The following FBXL13 variants were observed in gnomAD, a reference collection of about 807,000 sequenced individuals.
FBXL13 encodes the protein F-box and leucine rich repeat protein 13.
In FBXL13, 67 loss-of-function variants were observed where a neutral mutation model predicts 83.6. That is an observed-to-expected ratio of 0.80 (90% CI 0.66 to 0.98). FBXL13 has a LOEUF of 0.98. Ranked by LOEUF, FBXL13 falls within the 50% of genes least tolerant of loss-of-function variation. The probability of loss-of-function intolerance (pLI) is 0.00; values close to 1 mark genes in which losing one functional copy is unlikely to be tolerated. For missense variants in FBXL13, 822 were observed against 866.5 expected (o/e 0.95, Z 0.64); for synonymous variants, 272 against 299.5 (o/e 0.91, Z 0.95).
chr7:102,835,460 C>A (rs1801714078), intron 17 of FBXL13, among the ~76,000 whole-genome samples: 1 of 152,160 alleles, frequency 6.6e-6, no homozygotes, highest in African/African-American at 2.4e-5. Flanking sequence ...GCTTTCATAT[C>A]CCTTTCCCAA....
intron 16 of FBXL13, among the ~76,000 whole-genome samples, chr7:102,864,566 A>C (rs961252302): frequency 6.6e-6 from 1 of 151,928 alleles, no homozygotes; most frequent in Non-Finnish European, 1.5e-5. Context: ...ATGGGCTTTC[A>C]CCATGCTGGC....
At chr7:102,907,805 A>AT (rs1813994777) in intron 11 of FBXL13, among the ~76,000 whole-genome samples, 1 of 152,244 alleles carries the variant, frequency 6.6e-6, no homozygotes, top group South Asian at 2.1e-4. Context: ...CAACAGACAC[A>AT]TAAAAAAATG....
At chr7:103,033,306 C>G (rs1420229972) in intron 2 of FBXL13, among the ~76,000 whole-genome samples, 2 of 152,166 alleles carry the variant, frequency 1.3e-5, no homozygotes, top group Admixed American at 1.3e-4. Context: ...AAACTGCAGG[C>G]AGAATCCAAA....
At chr7:103,016,592 C>T (rs1040480302) in intron 6 of FBXL13, among the ~76,000 whole-genome samples, 1 of 152,114 alleles carries the variant, frequency 6.6e-6, no homozygotes, top group Non-Finnish European at 1.5e-5. Flanking sequence ...GAAGGGGTGA[C>T]AGACGGCACC....
At chr7:102,985,361 A>C (rs1828816223) in intron 6 of FBXL13, among the ~76,000 whole-genome samples, 1 of 152,186 alleles carries the variant, frequency 6.6e-6, no homozygotes, top group Non-Finnish European at 1.5e-5. Flanking sequence ...TATGCTCCTG[A>C]GTGAGCTTCC....
chr7:103,074,676 C>A, upstream of FBXL13: 1 of 1,287,090 alleles, frequency 7.8e-7, no homozygotes, highest in Non-Finnish European at 1.0e-6. Context: ...TCTGTGTCCG[C>A]TGCCACGCGT....
intron 11 of FBXL13, among the ~76,000 whole-genome samples, chr7:102,888,276 C>T (rs1238531071): frequency 2.0e-5 from 3 of 152,204 alleles, no homozygotes; most frequent in Non-Finnish European, 2.9e-5. Flanking sequence ...CAGTGGCTCA[C>T]GCCTGTAATC....
At chr7:102,948,396 T>C (rs1460220198) in intron 8 of FBXL13, among the ~76,000 whole-genome samples, 1 of 152,030 alleles carries the variant, frequency 6.6e-6, no homozygotes, top group Non-Finnish European at 1.5e-5. Flanking sequence ...CTGTTAAGTC[T>C]GTGCCCTCAT....
chr7:102,941,799 T>C (rs1355345984), intron 8 of FBXL13, among the ~76,000 whole-genome samples: 1 of 152,032 alleles, frequency 6.6e-6, no homozygotes, highest in Non-Finnish European at 1.5e-5. Context: ...TTAAATGTAT[T>C]AAAGTAATGA....
chr7:102,858,725 G>C (rs1806387383), intron 16 of FBXL13, among the ~76,000 whole-genome samples: 1 of 152,164 alleles, frequency 6.6e-6, no homozygotes, highest in African/African-American at 2.4e-5. Context: ...CTAAGTAAAA[G>C]AAGACAGACC....
At chr7:102,943,237 C>T (rs548918862) in intron 8 of FBXL13, among the ~76,000 whole-genome samples, 8 of 152,042 alleles carry the variant, frequency 5.3e-5, no homozygotes, top group Non-Finnish European at 7.4e-5. Context: ...GATCACCACC[C>T]GGCACATTTT....
intron 11 of FBXL13, among the ~76,000 whole-genome samples, chr7:102,910,722 C>T (rs940564546): frequency 6.6e-6 from 1 of 152,150 alleles, no homozygotes; most frequent in Non-Finnish European, 1.5e-5. Flanking sequence ...GCCAACACTC[C>T]TAACAAAATA....
chr7:102,887,141 G>T (rs906866426), intron 11 of FBXL13, among the ~76,000 whole-genome samples: 1 of 152,162 alleles, frequency 6.6e-6, no homozygotes, highest in African/African-American at 2.4e-5. Flanking sequence ...TGAAGAAAAA[G>T]TTAATTATAT....
chr7:103,068,517 A>G (rs1408545456), intron 1 of FBXL13, among the ~76,000 whole-genome samples: 1 of 152,224 alleles, frequency 6.6e-6, no homozygotes, highest in Non-Finnish European at 1.5e-5. Context: ...ACACATTACA[A>G]AAATCACATT....
chr7:103,049,135 A>G (rs900509010), intron 2 of FBXL13, among the ~76,000 whole-genome samples: 2 of 152,210 alleles, frequency 1.3e-5, no homozygotes, highest in African/African-American at 2.4e-5. Flanking sequence ...TTACTCTACA[A>G]GATCCTTTCT....
At chr7:102,900,707 G>A (rs781721357) in intron 11 of FBXL13, among the ~76,000 whole-genome samples, 8 of 152,050 alleles carry the variant, frequency 5.3e-5, no homozygotes, top group African/African-American at 7.2e-5. Context: ...GCTTCACGAC[G>A]AACCCATTTC....
At chr7:102,965,102 A>G (rs1585162882) in intron 7 of FBXL13, among the ~76,000 whole-genome samples, 2 of 152,222 alleles carry the variant, frequency 1.3e-5, no homozygotes, top group African/African-American at 4.8e-5. Context: ...GCATTTTATG[A>G]GAGTTGGGAC....
At chr7:102,978,039 T>C (rs1277966248) in intron 6 of FBXL13, among the ~76,000 whole-genome samples, 1 of 152,108 alleles carries the variant, frequency 6.6e-6, no homozygotes, top group East Asian at 1.9e-4. Flanking sequence ...ATGGCACATG[T>C]GGCACATGTA....
At position 103,057,585 on chromosome 7, in the gene FBXL13, T is replaced by C. The variant is rs570406148; in HGVS notation, c.-104-1838A>G. ...TATCATTCACAACATCTACCGAGTA[T>C]ATACATTTGAAAAATTGTAGCTTAG... On this transcript the variant is annotated intron_variant, in intron 1 of 19. Transcript: ENST00000313221. Among the ~76,000 whole-genome samples the C allele has an allele frequency of 1.5e-4, 23 of 152,352 alleles. No homozygotes were observed. In the South Asian group the frequency reaches 4.1e-3, roughly 27 times the overall value.
Sources: allele counts gnomAD v4.1 joint callset (sites outside exome capture counted in the v4.1 genomes callset), GRCh38; gene constraint gnomAD v4.1.1; transcripts MANE v1.5; gene names NCBI Gene and HGNC (gene_info 2026-07-23, HGNC 2026-07-21).